Variants in CIROP observed in about 807,000 individuals in gnomAD.
CIROP encodes the protein ciliated left-right organizer metallopeptidase, also known as leishmanolysin homolog.
the CIROP span, chr14:23,101,335 T>A: frequency 1.9e-6 from 1 of 520,566 alleles, no homozygotes; most frequent in Non-Finnish European, 3.4e-6. Context: ...AGGCGAGCCC[T>A]CCACCTGCAC....
At chr14:23,099,959 A>G in the CIROP span, 1 of 167,676 alleles carries the variant, frequency 6.0e-6, no homozygotes, top group East Asian at 1.9e-4. Flanking sequence ...ACAATCCCTA[A>G]CAGTGCTTAA....
the CIROP span, chr14:23,100,292 GATCC>G: frequency 2.5e-6 from 1 of 395,526 alleles, no homozygotes. Flanking sequence ...AGGGGACTAA[GATCC>G]CTATGTCCTA....
the CIROP span, chr14:23,104,904 AG>A: frequency 1.9e-5 from 2 of 104,788 alleles, no homozygotes; most frequent in South Asian, 3.0e-4. Flanking sequence ...CAGCAGCAGC[AG>A]CAGCAGCAGC....
chr14:23,103,139 G>A, the CIROP span: 4 of 452,944 alleles, frequency 8.8e-6, no homozygotes, highest in East Asian at 1.3e-4. Context: ...TGGAGGACCA[G>A]GGGACTCTGC....
chr14:23,103,903 T>C, the CIROP span: 1 of 639,248 alleles, frequency 1.6e-6, no homozygotes, highest in Non-Finnish European at 2.8e-6. Context: ...ATGAATCTCT[T>C]TGGTCTGTCT....
the CIROP span, chr14:23,104,924 C>T: frequency 1.9e-5 from 13 of 685,836 alleles, no homozygotes; most frequent in Non-Finnish European, 3.5e-5. Context: ...GCAGCATCTC[C>T]CTTCTGTGTC....
At chr14:23,104,878 C>T in the CIROP span, 2 of 672,144 alleles carry the variant, frequency 3.0e-6, no homozygotes, top group South Asian at 3.1e-5. Flanking sequence ...ACCCTGAGGA[C>T]TAGTGGCGGC....
the CIROP span, chr14:23,101,899 T>C: frequency 1.4e-6 from 1 of 702,242 alleles, no homozygotes; most frequent in Non-Finnish European, 2.6e-6. Flanking sequence ...CAAGCCAAAT[T>C]CTGGGCCAGA....
At chr14:23,101,237 A>G in the CIROP span, 2 of 449,564 alleles carry the variant, frequency 4.4e-6, no homozygotes, top group African/African-American at 4.0e-5. Flanking sequence ...CCATACAAGT[A>G]TTTCCCGACT....
At chr14:23,101,709 A>G in the CIROP span, 4 of 702,946 alleles carry the variant, frequency 5.7e-6, no homozygotes, top group Non-Finnish European at 1.0e-5. Context: ...GCCTTCCAGC[A>G]TGGGGTCTGA....
At chr14:23,103,513 C>A in the CIROP span, 1 of 577,864 alleles carries the variant, frequency 1.7e-6, no homozygotes, top group South Asian at 2.1e-5. Flanking sequence ...GTGATTGGGC[C>A]GCTGTACTCC....
the CIROP span, chr14:23,104,907 A>AGCAGCG: frequency 3.5e-4 from 32 of 91,082 alleles, no homozygotes; most frequent in Non-Finnish European, 8.2e-4. Context: ...CAGCAGCAGC[A>AGCAGCG]GCAGCAGCAG....
At chr14:23,101,333 C>A in the CIROP span, 1 of 517,770 alleles carries the variant, frequency 1.9e-6, no homozygotes, top group South Asian at 3.4e-5. Context: ...CAAGGCGAGC[C>A]CTCCACCTGC....
chr14:23,103,487 A>G, the CIROP span: 1 of 549,254 alleles, frequency 1.8e-6, no homozygotes, highest in Non-Finnish European at 3.2e-6. Flanking sequence ...CCAGGAGGTC[A>G]AGGCTGCGGT....
chr14:23,099,407 C>T, the CIROP span: 1 of 413,422 alleles, frequency 2.4e-6, no homozygotes, highest in Non-Finnish European at 4.4e-6. Flanking sequence ...ATTACACCCA[C>T]CAGGATTAGC....
At chr14:23,104,796 A>C in the CIROP span, 1 of 702,326 alleles carries the variant, frequency 1.4e-6, no homozygotes, top group Non-Finnish European at 2.6e-6. Context: ...TTTTGAGGGG[A>C]GTTGGGAGAA....
chr14:23,100,665 G>A, the CIROP span: 2 of 398,912 alleles, frequency 5.0e-6, no homozygotes, highest in African/African-American at 4.1e-5. Context: ...GTAATTGATG[G>A]GCCATGGAAA....
the CIROP span, chr14:23,099,509 T>C: frequency 4.8e-6 from 2 of 412,552 alleles, no homozygotes; most frequent in African/African-American, 2.1e-5. Flanking sequence ...TAGAAGGTAA[T>C]ATTTGGCATG....
At chr14:23,101,536 A>G in the CIROP span, 1 of 653,160 alleles carries the variant, frequency 1.5e-6, no homozygotes, top group South Asian at 1.7e-5. Context: ...CCCAGCAGGG[A>G]ATCCGTTTTC....
Sources: gnomAD v4.1 joint callset for allele counts on GRCh38, gnomAD v4.1.1 for gene constraint, MANE v1.5 for transcripts, NCBI Gene and HGNC (gene_info 2026-07-23, HGNC 2026-07-21) for gene names.